The following OTOF variants were observed in gnomAD, a reference collection of about 807,000 sequenced individuals.
The protein encoded by OTOF is otoferlin.
Under a neutral mutation model 236.8 loss-of-function variants are expected in OTOF, and 218 were observed. The ratio of observed to expected loss-of-function variants is 0.92; its 90% confidence interval spans 0.82 to 1.03. OTOF has a LOEUF of 1.03. OTOF is among the 50% of genes least tolerant of loss of function. The probability of loss-of-function intolerance (pLI) is 0.00; values close to 1 mark genes in which losing one functional copy is unlikely to be tolerated. For missense variants in OTOF, 2,590 were observed against 2,694.4 expected, an observed-to-expected ratio of 0.96 and a Z score of 0.86; for synonymous variants, 1,041 against 1,072.5, an observed-to-expected ratio of 0.97 and a Z score of 0.57.
chr2:26,466,778 C>T lies in OTOF; in HGVS notation c.4436G>A (p.Gly1479Asp), dbSNP rs140502241. 6.2e-7 allele frequency: 1 copy of T among 1,614,218 alleles called. No individual in the cohort carries two copies. The change falls in exon 36 of 47, where the codon GGC becomes GAC. Residue 1479 changes from glycine (G) to aspartate (D), a missense_variant. Transcript: ENST00000272371. ...ATTGCTCGGGATGCCCTGGAACATG[C>T]CGTAGGTGGAGTCGTAGCCGGCTTC... ...SREAGYDSTY[G>D]MFQGIPSNDP... is the part of the protein sequence containing the mutation.
At chr2:26,484,666 C>T (rs1431561761) in intron 11 of OTOF, 33 bp from the exon 12 acceptor site, 13 of 1,610,204 alleles carry the variant, frequency 8.1e-6, no homozygotes, top group Non-Finnish European at 1.1e-5. Context: ...CTGCACCAGA[C>T]ACCCCCACCC....
intron 8 of OTOF, among the ~76,000 whole-genome samples, chr2:26,495,494 G>A (rs1030100530): frequency 6.6e-6 from 1 of 151,718 alleles, no homozygotes; most frequent in African/African-American, 2.4e-5. Flanking sequence ...GCATGATCTC[G>A]GCTCACTGCA....
At chr2:26,508,207 T>C (rs1314090559) in intron 5 of OTOF, among the ~76,000 whole-genome samples, 1 of 152,220 alleles carries the variant, frequency 6.6e-6, no homozygotes, top group East Asian at 1.9e-4. Context: ...CTCCTGTCTA[T>C]GAGAAATAGG....
rs965237200 is a variant in OTOF, at chr2:26,462,379, TGTGGGC to T, written c.5193-204_5193-199del. On this transcript the variant is annotated intron_variant, in intron 41 of 46. Transcript: ENST00000272371. The surrounding 1 kb of genome is among the most constrained non-coding windows in gnomAD (Gnocchi z 4.7). ...TGAGAAGGCCCACCAGGCACATGGC[TGTGGGC>T]GGTGGGGGTGGGGTGAGGGGAGGAA... Among the ~76,000 whole-genome samples the T allele has an allele frequency of 3.3e-5, 5 of 150,044 alleles. No homozygotes were observed. The highest frequency in any genetic ancestry group is 9.8e-5 in the African/African-American group (4 of 40,720).
chr2:26,534,657 C>CT (rs529986910), intron 2 of OTOF, among the ~76,000 whole-genome samples: 4 of 152,284 alleles, frequency 2.6e-5, no homozygotes, highest in South Asian at 4.2e-4. Flanking sequence ...CTCATTTCAT[C>CT]TTTTTTTAGC....
At position 26,484,582 on chromosome 2, in the gene OTOF, G is replaced by A; in HGVS notation, c.1097C>T (p.Ser366Phe). The change falls in exon 12 of 47, where the codon TCC becomes TTC. Residue 366 changes from serine to phenylalanine, a missense_variant. By Grantham distance (155) the Ser-to-Phe change is radical. Transcript: ENST00000272371. ...WAILSDPDDI[S>F]SGLKGYVKCD... ...CTTCACGTAGCCCTTCAGCCCCGAGGAGATGTCATCGGGGTCAGACAGGAT... is the reference window on the plus strand; with the variant it reads ...CTTCACGTAGCCCTTCAGCCCCGAGAAGATGTCATCGGGGTCAGACAGGAT... The A allele has an allele frequency of 6.2e-7, 1 of 1,613,976 alleles. No individual in the cohort carries two copies. Among genetic ancestry groups the A allele is most frequent in the Non-Finnish European group, 8.5e-7 (1 of 1,180,008 alleles).
At chr2:26,551,084 G>A (rs1033395449) in intron 1 of OTOF, among the ~76,000 whole-genome samples, 3 of 152,178 alleles carry the variant, frequency 2.0e-5, no homozygotes, top group African/African-American at 7.2e-5. Flanking sequence ...CTGCCTCCTG[G>A]GTTCAAGCGA....
At chr2:26,491,181 G>A (rs1665832899) in intron 9 of OTOF, among the ~76,000 whole-genome samples, 1 of 152,180 alleles carries the variant, frequency 6.6e-6, no homozygotes, top group South Asian at 2.1e-4. Flanking sequence ...GCAGGCAGCG[G>A]GATGAAAGAA....
intron 9 of OTOF, among the ~76,000 whole-genome samples, chr2:26,493,416 C>T (rs1338334000): frequency 6.6e-6 from 1 of 152,158 alleles, no homozygotes; most frequent in Non-Finnish European, 1.5e-5. Flanking sequence ...AGCCTGGCAC[C>T]CCTCACTGCC....
intron 5 of OTOF, among the ~76,000 whole-genome samples, chr2:26,506,226 A>C (rs984848982): frequency 6.6e-6 from 1 of 152,148 alleles, no homozygotes; most frequent in African/African-American, 2.4e-5. Context: ...GTGCTGCTCA[A>C]CTATGTCTCT....
rs142933937 is a variant in OTOF, at chr2:26,477,446, C to T, written c.2376G>A (p.Arg792=). 7.5e-6 allele frequency: 12 copies of T among 1,599,584 alleles called. 1 individual carries two copies. In the Admixed American group the frequency reaches 1.5e-4, roughly 21 times the overall value. Residue 792 remains arginine, a synonymous_variant, in exon 20 of 47, where the codon CGG becomes CGA. Coordinates refer to ENST00000272371, the MANE Select transcript of OTOF (RefSeq NM_194248.3). This position sits in a 1 kb window ranked among gnomAD's most constrained non-coding sequence, Gnocchi z 4.7. ...CCCTCATGCAGGACTTGAGGCGCTC[C>T]CGGTCAAGCCTGGTGCGGGATGAGT... ...QGHSSRTRLD[R]ERLKSCMREL... is the part of the protein sequence containing the mutation.
rs549320341 is a variant in OTOF, at chr2:26,483,776, G to A, written c.1206-128C>T. On this transcript the variant is annotated intron_variant, in intron 12 of 46. Transcript: ENST00000272371. The stretch of plus-strand genomic sequence containing the variant: ...AGCTGAGGGAGCAAGGCTAGGATTA[G>A]ACACTTGTGTTCACGGAACTTGCCC... The A allele has an allele frequency of 9.0e-6, 7 of 779,504 alleles. No individual in the cohort carries two copies. In the East Asian group the frequency reaches 1.6e-4, roughly 18 times the overall value. The allele number at this position is 779,504 out of a possible 1,614,324, so 48.3% of individuals were successfully genotyped here. A position where few individuals can be genotyped will look rare whatever the true frequency, so the allele number is the denominator to read the frequency against.
Position 26,477,158 on chromosome 2 carries a change from C to T in OTOF, c.2523+14G>A, listed in dbSNP as rs569410600. 2.5e-5 allele frequency: 40 copies of T among 1,606,522 alleles called. 1 individual carries two copies. In the South Asian group the frequency reaches 4.4e-4, roughly 18 times the overall value. ...GCCCTGGATGAGGCAAAGCCCCGAC[C>T]CCTTGGGCCGCACCTCGTCCGCCAG... On this transcript the variant is annotated intron_variant, in intron 21 of 46. Coordinates refer to ENST00000272371, the MANE Select transcript of OTOF (RefSeq NM_194248.3). This position sits in a 1 kb window ranked among gnomAD's most constrained non-coding sequence, Gnocchi z 4.7.
chr2:26,493,915 C>T (rs1382953225), intron 9 of OTOF, among the ~76,000 whole-genome samples: 1 of 152,176 alleles, frequency 6.6e-6, no homozygotes, highest in South Asian at 2.1e-4. Context: ...ACCAGACACT[C>T]CATCTTGCAA....
At chr2:26,552,889 C>T (rs975116211) in intron 1 of OTOF, among the ~76,000 whole-genome samples, 1 of 152,214 alleles carries the variant, frequency 6.6e-6, no homozygotes, top group Non-Finnish European at 1.5e-5. Flanking sequence ...CAATGCCAAC[C>T]TCACATTCTC....
In OTOF at chr2:26,527,863, C is replaced by T. The variant is rs1572479737; in HGVS notation, c.196G>A (p.Val66Ile). 2 of 1,614,072 alleles carry T rather than the reference C, an allele frequency of 1.2e-6. No individual in the cohort carries two copies. Among genetic ancestry groups the T allele is most frequent in the Non-Finnish European group, 1.7e-6 (2 of 1,179,926 alleles). ...IDRNEMLEIQ[V>I]FNYSKVFSNK... ...CTGAAGACTTTGCTGTAGTTGAAAA[C>T]CTGAATCTCCAGCATCTCATTTCTG... The change falls in exon 3 of 47, where the codon GTT becomes ATT. Residue 66 changes from valine (V) to isoleucine (I), a missense_variant. By Grantham distance (29) the Val-to-Ile change is conservative. This residue lies in a region of OTOF where 1,379 missense variants were observed against 1,341.6 expected (regional missense o/e 1.03). Coordinates refer to ENST00000272371, the MANE Select transcript of OTOF (RefSeq NM_194248.3).
In OTOF at chr2:26,473,897, G is replaced by T; in HGVS notation, c.3408+94C>A. On this transcript the variant is annotated intron_variant, in intron 27 of 46. Transcript: ENST00000272371. The surrounding 1 kb of genome is among the most constrained non-coding windows in gnomAD (Gnocchi z 7.2). ...AGCCTGGGTCTGCTGCTGGCTCCTG[G>T]TGATGGTGGTGGGAGGGGGATGACA... 6.5e-7 allele frequency: 1 copy of T among 1,529,010 alleles called. No homozygotes were observed. Among genetic ancestry groups the T allele is most frequent in the Non-Finnish European group, 9.1e-7 (1 of 1,104,760 alleles). 94.7% of individuals were successfully genotyped at this position (1,529,010 alleles called of 1,614,324 possible). A position where few individuals can be genotyped will look rare whatever the true frequency, so the allele number is the denominator to read the frequency against.
chr2:26,541,650 C>T (rs74886994), intron 1 of OTOF, among the ~76,000 whole-genome samples: 1,676 of 152,262 alleles, frequency 0.011, 32 homozygotes, highest in African/African-American at 0.038. Flanking sequence ...ATGACTAACC[C>T]CATCTCTTGT....
intron 5 of OTOF, among the ~76,000 whole-genome samples, chr2:26,509,682 G>A (rs1477469456): frequency 6.6e-6 from 1 of 152,130 alleles, no homozygotes; most frequent in African/African-American, 2.4e-5. Context: ...TGAGGCCACA[G>A]TTTTGAGCAA....
Sources: allele counts gnomAD v4.1 joint callset (sites outside exome capture counted in the v4.1 genomes callset), GRCh38; gene constraint gnomAD v4.1.1; regional missense constraint gnomAD v4.1.1; non-coding constraint Gnocchi (gnomAD v3.1); transcripts MANE v1.5; gene names NCBI Gene and HGNC (gene_info 2026-07-23, HGNC 2026-07-21).